TRAPPC9: variants seen among roughly 807,000 people sequenced by gnomAD.
TRAPPC9 encodes the protein trafficking protein particle complex subunit 9.
A neutral mutation model predicts 124.0 loss-of-function variants in TRAPPC9; 83 were observed. The ratio of observed to expected loss-of-function variants is 0.67; its 90% CI spans 0.56 to 0.80. The LOEUF is 0.80. Ranked by LOEUF, TRAPPC9 falls within the 30% of genes least tolerant of loss-of-function variation. The pLI is 0.00. For synonymous variants in TRAPPC9, 638 were observed against 617.5 expected, an observed-to-expected ratio of 1.03 and a Z score of -0.49; for missense variants, 1,302 against 1,508.3, an observed-to-expected ratio of 0.86 and a Z score of 2.27.
intron 17 of TRAPPC9, among the ~76,000 whole-genome samples, chr8:140,069,124 C>T (rs1410840154): frequency 2.0e-5 from 3 of 152,212 alleles, no homozygotes; most frequent in African/African-American, 7.2e-5. Context: ...CCTCCTGAAG[C>T]CGCTGTGCTC....
chr8:139,728,512 G>T lies in TRAPPC9; in HGVS notation c.*2549C>A, dbSNP rs2129892132. Among the ~76,000 whole-genome samples, 1 of 152,246 alleles carries T rather than the reference G, an allele frequency of 6.6e-6. No individual in the cohort carries two copies. Among genetic ancestry groups the T allele is most frequent in the South Asian group, 2.1e-4 (1 of 4,818 alleles). ...GCTGTCACTGAGACACCTGCCCCAGGTCCTCCATCTCAGCCACTGCCCACA... is the reference window on the plus strand; with the variant it reads ...GCTGTCACTGAGACACCTGCCCCAGTTCCTCCATCTCAGCCACTGCCCACA... On this transcript the variant is annotated 3_prime_UTR_variant, in exon 23 of 23. Transcript: ENST00000438773.
chr8:139,878,569 A>G (rs997493651), intron 21 of TRAPPC9, among the ~76,000 whole-genome samples: 4 of 152,142 alleles, frequency 2.6e-5, no homozygotes, highest in Non-Finnish European at 4.4e-5. Flanking sequence ...CTTCCTCTAC[A>G]TGGGAGAACC....
At chr8:140,234,313 C>G (rs1303123453) in intron 16 of TRAPPC9, among the ~76,000 whole-genome samples, 4 of 152,200 alleles carry the variant, frequency 2.6e-5, no homozygotes, top group Admixed American at 2.6e-4. Context: ...TGCCAAAAAG[C>G]CTGGGGACTG....
intron 15 of TRAPPC9, among the ~76,000 whole-genome samples, chr8:140,270,604 C>T (rs1461421228): frequency 1.3e-5 from 2 of 152,186 alleles, no homozygotes; most frequent in African/African-American, 4.8e-5. Context: ...TAAGTCAGAG[C>T]AGCCTGAGGC....
chr8:139,871,085 T>A (rs191754091), intron 21 of TRAPPC9, among the ~76,000 whole-genome samples: 92 of 152,194 alleles, frequency 6.0e-4, no homozygotes, highest in African/African-American at 2.0e-3. Context: ...TCTGATGAGG[T>A]TGTGTGAGGA....
intron 18 of TRAPPC9, among the ~76,000 whole-genome samples, chr8:139,993,820 GTTTTAAAA>G (rs1490285098): frequency 6.6e-6 from 1 of 152,072 alleles, no homozygotes; most frequent in Non-Finnish European, 1.5e-5. Context: ...TTTAAAATAT[GTTTTAAAA>G]TACTCGATAT....
chr8:140,144,503 CATTT>C (rs148824313), intron 17 of TRAPPC9, among the ~76,000 whole-genome samples: 2,956 of 132,230 alleles, frequency 0.022, 71 homozygotes, highest in South Asian at 0.04. Context: ...TTCATTCATT[CATTT>C]AGATGGAGTC....
At chr8:140,452,419 CAAAAAAAAAAAA>C (rs1161960216) in intron 1 of TRAPPC9, among the ~76,000 whole-genome samples, 5 of 40,440 alleles carry the variant, frequency 1.2e-4, no homozygotes, top group African/African-American at 4.3e-4. Context: ...GACTGCATCT[CAAAAAAAAAAAA>C]AAAAAAAAAG....
chr8:140,360,334 T>G, intron 8 of TRAPPC9, 141 bp from the exon 9 acceptor site: 8 of 1,123,466 alleles, frequency 7.1e-6, no homozygotes, highest in Non-Finnish European at 1.0e-5. Flanking sequence ...ATATTTCCTC[T>G]GCTTTTAATG....
At chr8:140,344,754 G>C (rs2067288283) in intron 9 of TRAPPC9, among the ~76,000 whole-genome samples, 1 of 152,282 alleles carries the variant, frequency 6.6e-6, no homozygotes, top group Admixed American at 6.5e-5. Flanking sequence ...AGACTGGAGA[G>C]AGGTGAGCAA....
chr8:139,752,382 T>C (rs1299584673), intron 21 of TRAPPC9, among the ~76,000 whole-genome samples: 1 of 141,864 alleles, frequency 7.0e-6, no homozygotes, highest in African/African-American at 2.7e-5. Flanking sequence ...CCATCCACCA[T>C]CCACAATTGA....
chr8:140,332,877 T>G (rs1433876619), intron 9 of TRAPPC9, among the ~76,000 whole-genome samples: 2 of 152,174 alleles, frequency 1.3e-5, no homozygotes, highest in African/African-American at 4.8e-5. Flanking sequence ...GGCTCAAACC[T>G]GTAATCCCAG....
Position 139,788,259 on chromosome 8 carries a change from G to A in TRAPPC9, c.3056-56057C>T, listed in dbSNP as rs569463983. 4.7e-4 allele frequency among the ~76,000 whole-genome samples: 72 copies of A among 152,330 alleles called. 1 individual carries two copies. The highest frequency in any genetic ancestry group is 1.7e-3 in the African/African-American group (72 of 41,578). On this transcript the variant is annotated intron_variant, in intron 21 of 22. Coordinates refer to ENST00000438773, the MANE Select transcript of TRAPPC9 (RefSeq NM_001160372.4). The surrounding 1 kb of genome is among the most constrained non-coding windows in gnomAD (Gnocchi z 4.9). ...TCTGCTGAGCTTCAGGTCCTGGGTG[G>A]CTAATGTGTGTGTCAGTGTATGTTG...
At position 140,214,618 on chromosome 8, in the gene TRAPPC9, G is replaced by A. The variant is rs373760849; in HGVS notation, c.2556+6841C>T. The stretch of plus-strand genomic sequence containing the variant: ...ACAATCCTATGAAGGAAGCATTGTC[G>A]TTCAATTTTACAGAGGGGGATGCTG... On this transcript the variant is annotated intron_variant, in intron 17 of 22. Coordinates refer to ENST00000438773, the MANE Select transcript of TRAPPC9 (RefSeq NM_001160372.4). Among the ~76,000 whole-genome samples the A allele has an allele frequency of 1.6e-4, 24 of 152,284 alleles. No individual in the cohort carries two copies. The East Asian group carries it at 2.5e-3, about 16-fold the overall frequency.
chr8:140,012,081 A>G (rs1447665423), intron 18 of TRAPPC9, among the ~76,000 whole-genome samples: 4 of 152,196 alleles, frequency 2.6e-5, no homozygotes, highest in Non-Finnish European at 5.9e-5. Flanking sequence ...AAGTGCTGGG[A>G]CTGCAGGCGT....
chr8:140,443,003 C>T (rs549173674), intron 2 of TRAPPC9, among the ~76,000 whole-genome samples: 31 of 149,530 alleles, frequency 2.1e-4, no homozygotes, highest in Admixed American at 6.7e-4. Flanking sequence ...CATGGTGGCA[C>T]GTGCCTGTAG....
intron 21 of TRAPPC9, among the ~76,000 whole-genome samples, chr8:139,880,190 C>A (rs1351244362): frequency 2.6e-5 from 4 of 152,212 alleles, no homozygotes; most frequent in Non-Finnish European, 5.9e-5. Context: ...GAGGTCCCTG[C>A]AGGCTTTCAC....
chr8:140,344,170 C>T (rs12682146), intron 9 of TRAPPC9, among the ~76,000 whole-genome samples: 28,276 of 152,058 alleles, frequency 0.19, 3,534 homozygotes, highest in East Asian at 0.64. Context: ...AGAGCTCCCT[C>T]GCCCCTTCCA....
intron 11 of TRAPPC9, 58 bp downstream of exon 11, chr8:140,300,411 A>C: frequency 1.2e-6 from 2 of 1,612,064 alleles, no homozygotes; most frequent in South Asian, 2.2e-5. Flanking sequence ...AAAATCTAGA[A>C]AAGCCATTGG....
Sources: allele counts gnomAD v4.1 joint callset (sites outside exome capture counted in the v4.1 genomes callset), GRCh38; gene constraint gnomAD v4.1.1; non-coding constraint Gnocchi (gnomAD v3.1); transcripts MANE v1.5; gene names NCBI Gene and HGNC (gene_info 2026-07-23, HGNC 2026-07-21).